MTERF4: variants seen among roughly 807,000 people sequenced by gnomAD.
The protein encoded by MTERF4 is transcription termination factor 4, mitochondrial.
MTERF4 carries 17 observed loss-of-function variants against 22.5 expected under a neutral mutation model. That is an observed-to-expected ratio of 0.75 (90% CI 0.52 to 1.13). The LOEUF is 1.13. MTERF4 is among the 50% of genes most tolerant of loss of function. The probability of loss-of-function intolerance (pLI) is 0.00; values close to 1 mark genes in which losing one functional copy is unlikely to be tolerated. For missense variants in MTERF4, 420 were observed against 466.8 expected (o/e 0.90, Z 0.92); for synonymous variants, 165 against 175.3 (o/e 0.94, Z 0.47).
chr2:241,086,245 G>A (rs765960519), downstream of MTERF4, among the ~76,000 whole-genome samples: 2 of 152,194 alleles, frequency 1.3e-5, no homozygotes, highest in Admixed American at 6.5e-5. Context: ...CTCCTCAGTA[G>A]TTCTTCTTTG....
the MTERF4 span, chr2:241,062,912 G>T: frequency 6.4e-6 from 10 of 1,567,258 alleles, 1 homozygote; most frequent in South Asian, 1.1e-4. Flanking sequence ...TGGGTAAGAG[G>T]GGCCCTGGCC....
chr2:241,070,908 G>A (rs1256053162), downstream of MTERF4, among the ~76,000 whole-genome samples: 1 of 152,226 alleles, frequency 6.6e-6, no homozygotes, highest in African/African-American at 2.4e-5. Context: ...AGAGGGCTCT[G>A]ACCCCAGGCT....
At chr2:241,052,777 G>A in the MTERF4 span, among the ~76,000 whole-genome samples, 8 of 117,986 alleles carry the variant, frequency 6.8e-5, no homozygotes, top group East Asian at 4.3e-4. Context: ...TACATGGGAT[G>A]CTGGTGTCAG....
downstream of MTERF4, chr2:241,069,079 GCTTC>G (rs2062591607): frequency 6.3e-6 from 8 of 1,273,266 alleles, no homozygotes; most frequent in Admixed American, 1.1e-4. This position sits in a 1 kb window ranked among gnomAD's most constrained non-coding sequence, Gnocchi z 4.9. Flanking sequence ...AGAAGCTCTG[GCTTC>G]CTTCCAGCCT....
At chr2:241,090,468 G>A (rs1344778786), downstream of MTERF4, 13 of 1,525,506 alleles carry the variant, frequency 8.5e-6, no homozygotes, top group South Asian at 1.6e-4. Context: ...ATGATGAAGA[G>A]TATAGTAAAT....
chr2:241,043,334 G>A, the MTERF4 span, among the ~76,000 whole-genome samples: 1 of 152,120 alleles, frequency 6.6e-6, no homozygotes, highest in African/African-American at 2.4e-5. Flanking sequence ...AACAATGCAA[G>A]CCAGGAGACA....
Position 241,096,842 on chromosome 2 carries a change from C to T in MTERF4, c.705+401G>A. The stretch of plus-strand genomic sequence containing the variant: ...CGGACAACTGTTAAAATTACATTTT[C>T]AAAATCAACATGCAAAATAGATTCT... On this transcript the variant is annotated intron_variant, in intron 3 of 3. Transcript: ENST00000391980. The surrounding 1 kb of genome is among the most constrained non-coding windows in gnomAD (Gnocchi z 5.1). The T allele has an allele frequency of 1.8e-6, 1 of 550,158 alleles. No homozygotes were observed. Among genetic ancestry groups the T allele is most frequent in the South Asian group, 2.1e-5 (1 of 47,868 alleles). 34.1% of individuals were successfully genotyped at this position (550,158 alleles called of 1,614,324 possible).
intron 1 of MTERF4, among the ~76,000 whole-genome samples, chr2:241,101,728 A>G (rs1042003246): frequency 2.6e-5 from 4 of 152,216 alleles, no homozygotes; most frequent in South Asian, 2.1e-4. Flanking sequence ...AGTACATGTT[A>G]TCTTCCTTGT....
At chr2:241,069,582 G>A (rs550209713), downstream of MTERF4, among the ~76,000 whole-genome samples, 19 of 152,340 alleles carry the variant, frequency 1.2e-4, no homozygotes, top group Non-Finnish European at 1.5e-5. This position sits in a 1 kb window ranked among gnomAD's most constrained non-coding sequence, Gnocchi z 4.9. Flanking sequence ...AAAGGCTGGT[G>A]GGGCAGGGGA....
the MTERF4 span, among the ~76,000 whole-genome samples, chr2:241,044,571 C>A: frequency 6.6e-6 from 1 of 152,190 alleles, no homozygotes; most frequent in East Asian, 1.9e-4. Flanking sequence ...GGTATCCCCC[C>A]AGCCAGGACT....
At chr2:241,052,395 C>A in the MTERF4 span, 1 of 1,594,558 alleles carries the variant, frequency 6.3e-7, no homozygotes, top group Non-Finnish European at 8.5e-7. Flanking sequence ...TGAATGGGGG[C>A]ACCTGCGAGG....
chr2:241,091,061 TA>T (rs1381207068), downstream of MTERF4, among the ~76,000 whole-genome samples: 1 of 152,176 alleles, frequency 6.6e-6, no homozygotes. The surrounding 1 kb of genome is among the most constrained non-coding windows in gnomAD (Gnocchi z 4.1). Flanking sequence ...AATATTAATG[TA>T]TCTTTTTAAA....
downstream of MTERF4, among the ~76,000 whole-genome samples, chr2:241,090,685 G>C (rs1305133033): frequency 6.6e-6 from 1 of 152,112 alleles, no homozygotes; most frequent in East Asian, 1.9e-4. Flanking sequence ...TGGCCAACAT[G>C]ATGAAACCCT....
At chr2:241,101,006 T>A (rs1188004891) in intron 1 of MTERF4, among the ~76,000 whole-genome samples, 5 of 152,326 alleles carry the variant, frequency 3.3e-5, no homozygotes, top group African/African-American at 9.6e-5. Flanking sequence ...GCCAGCAGTC[T>A]TCAACGTTTT....
At chr2:241,089,866 C>T, downstream of MTERF4, 1 of 1,466,988 alleles carries the variant, frequency 6.8e-7, no homozygotes, top group Non-Finnish European at 9.0e-7. Flanking sequence ...GGGCTACACA[C>T]CACAGCGTGT....
At chr2:241,070,206 G>C, downstream of MTERF4, 1 of 1,601,150 alleles carries the variant, frequency 6.2e-7, no homozygotes, top group Non-Finnish European at 8.5e-7. Context: ...TCACCTGTGA[G>C]TGCCGTGGGC....
chr2:241,049,185 C>CA, the MTERF4 span: 1 of 1,447,802 alleles, frequency 6.9e-7, no homozygotes, highest in Non-Finnish European at 9.6e-7. Context: ...GGACAGAAGC[C>CA]AGGGAGAAAG....
chr2:241,088,767 C>A, downstream of MTERF4: 1 of 278,778 alleles, frequency 3.6e-6, no homozygotes, highest in South Asian at 8.3e-5. Flanking sequence ...CCACCTGGCA[C>A]CTGGGAGGAG....
At chr2:241,097,976 G>A (rs772355324) in intron 2 of MTERF4, among the ~76,000 whole-genome samples, 5 of 152,114 alleles carry the variant, frequency 3.3e-5, no homozygotes, top group Admixed American at 6.5e-5. Context: ...CTGGTTACCA[G>A]GGTCACCATA....
Sources: gnomAD v4.1 joint callset for allele counts (sites outside exome capture counted in the v4.1 genomes callset) on GRCh38, gnomAD v4.1.1 for gene constraint, Gnocchi (gnomAD v3.1) non-coding constraint, MANE v1.5 for transcripts, NCBI Gene and HGNC (gene_info 2026-07-23, HGNC 2026-07-21) for gene names.